The following EPHA6 variants were observed in gnomAD, a reference collection of about 807,000 sequenced individuals.
The protein encoded by EPHA6 is ephrin type-A receptor 6.
Under a neutral mutation model 112.0 loss-of-function variants are expected in EPHA6, and 50 were observed. That is an observed-to-expected ratio of 0.45 (90% CI 0.36 to 0.56). The LOEUF is 0.56. Ranked by LOEUF, EPHA6 falls within the 20% of genes least tolerant of loss-of-function variation. The pLI is 0.00. For synonymous variants in EPHA6, 529 were observed against 490.7 expected (o/e 1.08, Z -1.03); for missense variants, 1,280 against 1,417.4 (o/e 0.90, Z 1.56).
intron 14 of EPHA6, among the ~76,000 whole-genome samples, chr3:97,711,805 G>C (rs780982492): frequency 5.3e-5 from 8 of 152,140 alleles, no homozygotes; most frequent in Non-Finnish European, 8.8e-5. Context: ...AACCACACTA[G>C]AAATAATGTT....
intron 14 of EPHA6, among the ~76,000 whole-genome samples, chr3:97,653,778 T>A (rs2094121234): frequency 6.6e-6 from 1 of 151,842 alleles, no homozygotes; most frequent in African/African-American, 2.4e-5. Context: ...AATGAATGGA[T>A]AAAGAAAATG....
chr3:96,996,285 A>T (rs568932017), intron 3 of EPHA6, among the ~76,000 whole-genome samples: 1 of 152,140 alleles, frequency 6.6e-6, no homozygotes, highest in Admixed American at 6.6e-5. Flanking sequence ...CTGCAACGTC[A>T]TCCTTGAGGG....
intron 3 of EPHA6, among the ~76,000 whole-genome samples, chr3:97,146,281 T>C (rs2076041957): frequency 6.6e-6 from 1 of 152,022 alleles, no homozygotes; most frequent in Admixed American, 6.6e-5. Context: ...TAGTTTTCTC[T>C]GTAGTTTACC....
chr3:97,531,950 C>T (rs111613880), intron 10 of EPHA6, among the ~76,000 whole-genome samples: 31 of 152,018 alleles, frequency 2.0e-4, no homozygotes, highest in Admixed American at 2.0e-4. Flanking sequence ...CCTAGGGGAT[C>T]GAATTAACTA....
At chr3:97,459,669 T>C (rs1031905350) in intron 7 of EPHA6, among the ~76,000 whole-genome samples, 4 of 152,210 alleles carry the variant, frequency 2.6e-5, no homozygotes, top group Non-Finnish European at 5.9e-5. Context: ...CATCTAATTA[T>C]TTCCTCACCT....
chr3:96,951,080 G>C (rs2041513276), intron 2 of EPHA6, among the ~76,000 whole-genome samples: 1 of 151,756 alleles, frequency 6.6e-6, no homozygotes. Flanking sequence ...TTATTCCTTA[G>C]TTGCTTCACT....
At chr3:97,114,116 G>T (rs2047810473) in intron 3 of EPHA6, among the ~76,000 whole-genome samples, 1 of 152,108 alleles carries the variant, frequency 6.6e-6, no homozygotes, top group African/African-American at 2.4e-5. Context: ...TTTAGCAGAA[G>T]TAGTGGTATC....
intron 3 of EPHA6, among the ~76,000 whole-genome samples, chr3:97,056,532 T>A (rs1183901003): frequency 6.6e-6 from 1 of 152,160 alleles, no homozygotes; most frequent in Non-Finnish European, 1.5e-5. Flanking sequence ...TCACATTACC[T>A]CTTGTTGGCT....
At chr3:97,175,187 G>T (rs1335464285) in intron 3 of EPHA6, among the ~76,000 whole-genome samples, 1 of 151,898 alleles carries the variant, frequency 6.6e-6, no homozygotes, top group Non-Finnish European at 1.5e-5. Context: ...TAGCATCTTT[G>T]TCAAAAATGA....
intron 2 of EPHA6, among the ~76,000 whole-genome samples, chr3:96,963,677 GC>G (rs1397314197): frequency 6.6e-6 from 1 of 152,094 alleles, no homozygotes; most frequent in East Asian, 1.9e-4. Flanking sequence ...GTTGTCTCCT[GC>G]TAATTAAACA....
intron 5 of EPHA6, among the ~76,000 whole-genome samples, chr3:97,282,789 C>T (rs1434532644): frequency 6.6e-6 from 1 of 152,044 alleles, no homozygotes; most frequent in Non-Finnish European, 1.5e-5. Flanking sequence ...TGAACAATGA[C>T]AACACATGGA....
At chr3:97,023,837 C>G (rs955498295) in intron 3 of EPHA6, among the ~76,000 whole-genome samples, 1 of 152,054 alleles carries the variant, frequency 6.6e-6, no homozygotes. Context: ...GTAAGATTAG[C>G]GGAATGAATC....
chr3:96,963,946 TTATG>T (rs1444687187), intron 2 of EPHA6, among the ~76,000 whole-genome samples: 1 of 152,040 alleles, frequency 6.6e-6, no homozygotes, highest in Non-Finnish European at 1.5e-5. Context: ...AATGGTTTAT[TTATG>T]TATAAGAAGT....
intron 3 of EPHA6, among the ~76,000 whole-genome samples, chr3:97,027,370 C>T (rs2044676874): frequency 1.3e-5 from 2 of 151,918 alleles, no homozygotes; most frequent in Admixed American, 6.6e-5. Flanking sequence ...ATGAAATAAT[C>T]TGTACAACAA....
chr3:97,487,315 T>C (rs2091721061), intron 10 of EPHA6, among the ~76,000 whole-genome samples: 1 of 152,240 alleles, frequency 6.6e-6, no homozygotes, highest in Admixed American at 6.5e-5. Context: ...AAATCTTTCT[T>C]AAATGAGTTA....
intron 6 of EPHA6, among the ~76,000 whole-genome samples, chr3:97,412,157 A>G (rs1486423099): frequency 6.6e-6 from 1 of 152,094 alleles, no homozygotes; most frequent in East Asian, 1.9e-4. Flanking sequence ...ATGACTATCA[A>G]AAGTTTATGT....
intron 3 of EPHA6, among the ~76,000 whole-genome samples, chr3:97,180,085 A>C (rs987623920): frequency 1.3e-5 from 2 of 152,052 alleles, no homozygotes; most frequent in Admixed American, 1.3e-4. Context: ...AAGTGCATCT[A>C]AGCTGGCACT....
At chr3:97,586,449 G>GA (rs1190528354) in intron 11 of EPHA6, among the ~76,000 whole-genome samples, 1 of 151,890 alleles carries the variant, frequency 6.6e-6, no homozygotes, top group Non-Finnish European at 1.5e-5. Flanking sequence ...CACCATCACA[G>GA]AAAACAAAGA....
chr3:97,457,270 G>A (rs957955738), intron 7 of EPHA6, among the ~76,000 whole-genome samples: 2 of 152,122 alleles, frequency 1.3e-5, no homozygotes, highest in East Asian at 1.9e-4. Flanking sequence ...GTATCATAGC[G>A]ATGATATATA....
Sources: allele counts gnomAD v4.1 joint callset (sites outside exome capture counted in the v4.1 genomes callset), GRCh38; gene constraint gnomAD v4.1.1; transcripts MANE v1.5; gene names NCBI Gene and HGNC (gene_info 2026-07-23, HGNC 2026-07-21).